Variants in REXO4 observed in about 807,000 individuals in gnomAD.
The protein encoded by REXO4 is RNA exonuclease 4, also known as REX4 homolog, 3'-5' exonuclease.
In REXO4, 29 loss-of-function variants were observed where a neutral mutation model predicts 39.9. That is an observed-to-expected ratio of 0.73 (90% CI 0.54 to 0.99). The LOEUF (loss-of-function observed/expected upper bound fraction) is 0.99, where lower values mean the gene tolerates loss of function less well. Among genes scored for constraint, REXO4 ranks in the 50% least tolerant of loss-of-function variants. REXO4 has a pLI of 0.00. For missense variants in REXO4, 524 were observed against 546.5 expected, an observed-to-expected ratio of 0.96 and a Z score of 0.41; for synonymous variants, 184 against 206.2, an observed-to-expected ratio of 0.89 and a Z score of 0.92.
rs201077059 is a variant in REXO4 at position 133,412,783 on chromosome 9, G to A, written c.711C>T (p.Phe237=). ...VSLSLVKEQA[F]GGLTRALALD... is the part of the protein sequence containing the mutation. ...ACTCCCTGAGACCAGCGTACCCGCC[G>A]AAGGCCTGCTCTTTCACGAGGCTGA... The change falls in exon 3 of 8, where the codon TTC becomes TTT. Residue 237 remains phenylalanine, a synonymous_variant. Transcript: ENST00000371942. 5.1e-5 allele frequency: 82 copies of A among 1,611,980 alleles called. No homozygotes were observed. The highest frequency in any genetic ancestry group is 3.3e-4 in the African/African-American group (25 of 75,054).
chr9:133,406,902 C>G lies in REXO4; in HGVS notation c.*51G>C. 6.2e-7 allele frequency: 1 copy of G among 1,603,384 alleles called. No individual in the cohort carries two copies. Among genetic ancestry groups the G allele is most frequent in the Non-Finnish European group, 8.5e-7 (1 of 1,179,558 alleles). On this transcript the variant is annotated 3_prime_UTR_variant, in exon 8 of 8. Coordinates refer to ENST00000371942, the MANE Select transcript of REXO4 (RefSeq NM_020385.4). ...GGGGAGATGTGATCTGTCCCTGTGACTGGTCACATTGCCTCTGTAGCGGGG... is the reference window on the plus strand; with the variant it reads ...GGGGAGATGTGATCTGTCCCTGTGAGTGGTCACATTGCCTCTGTAGCGGGG...
At chr9:133,407,658 C>CT in intron 7 of REXO4, 149 bp downstream of exon 7, 1 of 587,016 alleles carries the variant, frequency 1.7e-6, no homozygotes, top group Non-Finnish European at 3.0e-6. Flanking sequence ...TAACTCCGCT[C>CT]TACCATTTTT....
chr9:133,409,258 C>T (rs1005599633), intron 5 of REXO4, among the ~76,000 whole-genome samples: 14 of 152,106 alleles, frequency 9.2e-5, no homozygotes, highest in African/African-American at 1.7e-4. Flanking sequence ...TGAGCCAACG[C>T]GGCTGCCCTG....
At chr9:133,409,285 G>A (rs1451484173) in intron 5 of REXO4, among the ~76,000 whole-genome samples, 2 of 152,056 alleles carry the variant, frequency 1.3e-5, no homozygotes, top group African/African-American at 4.8e-5. Flanking sequence ...ACATCTTGTA[G>A]GGAATCCAAG....
intron 2 of REXO4, among the ~76,000 whole-genome samples, chr9:133,414,050 G>C (rs144648215): frequency 1.3e-5 from 2 of 152,348 alleles, no homozygotes; most frequent in Non-Finnish European, 2.9e-5. Context: ...TCCACCCCAC[G>C]TGGGTGGCCA....
intron 5 of REXO4, among the ~76,000 whole-genome samples, chr9:133,410,494 T>C (rs942738744): frequency 1.3e-5 from 2 of 152,180 alleles, no homozygotes; most frequent in Non-Finnish European, 2.9e-5. Flanking sequence ...TGTCTGAATT[T>C]GCACTTTCCA....
rs587773601 is a variant in REXO4, at chr9:133,410,939, C to T, written c.999+46G>A. 5.6e-6 allele frequency: 8 copies of T among 1,429,964 alleles called. No homozygotes were observed. In the East Asian group the frequency reaches 1.8e-4, roughly 32 times the overall value. The allele number at this position is 1,429,964 out of a possible 1,614,324, so 88.6% of individuals were successfully genotyped here. A position where few individuals can be genotyped will look rare whatever the true frequency, so the allele number is the denominator to read the frequency against. ...ACACAGCAAGGGCGTGAGTGTAACACCCACGGAGCAGGGGCAGGCTGAGTC... is the reference window on the plus strand; with the variant it reads ...ACACAGCAAGGGCGTGAGTGTAACATCCACGGAGCAGGGGCAGGCTGAGTC... On this transcript the variant is annotated intron_variant, in intron 5 of 7. Transcript: ENST00000371942.
At position 133,413,057 on chromosome 9, in the gene REXO4, C is replaced by T. The variant is rs28416675; in HGVS notation, c.573-136G>A. ...TCCCACAGGCTGGCCCCAGACACCC[C>T]GACTGCTGGCCCTGCTGCTTCTGCT... is the stretch of plus-strand genomic sequence containing the variant. On this transcript the variant is annotated intron_variant, in intron 2 of 7. Transcript: ENST00000371942. The T allele has an allele frequency of 2.3e-3, 1,987 of 881,278 alleles. 12 individuals carry two copies. Among genetic ancestry groups the T allele is most frequent in the African/African-American group, 0.017 (1,024 of 59,476 alleles). 54.6% of individuals were successfully genotyped at this position (881,278 alleles called of 1,614,324 possible). A position where few individuals can be genotyped will look rare whatever the true frequency, so the allele number is the denominator to read the frequency against.
Position 133,412,346 on chromosome 9 carries a change from T to TC in REXO4, c.862dup (p.Asp288GlyfsTer3). On this transcript the variant is annotated frameshift_variant, in exon 4 of 8. Coordinates refer to ENST00000371942, the MANE Select transcript of REXO4 (RefSeq NM_020385.4). LOFTEE classifies it high-confidence loss of function. ...AATCCCACTGACCGCTGTCCTATAG[T>TC]CCGTCACGGGCTCGGTTGGTTTGAC... The TC allele has an allele frequency of 6.2e-7, 1 of 1,614,100 alleles. No individual in the cohort carries two copies. The highest frequency in any genetic ancestry group is 8.5e-7 in the Non-Finnish European group (1 of 1,180,036).
intron 1 of REXO4, among the ~76,000 whole-genome samples, chr9:133,416,929 C>T (rs781907070): frequency 6.6e-6 from 1 of 152,204 alleles, no homozygotes; most frequent in Non-Finnish European, 1.5e-5. Context: ...TCGCTAGAAC[C>T]CCATCACATG....
chr9:133,415,162 G>A (rs587735000), intron 1 of REXO4, 151 bp from the exon 2 acceptor site: 107 of 671,288 alleles, frequency 1.6e-4, no homozygotes, highest in East Asian at 5.6e-4. Flanking sequence ...ATTTTCAAAC[G>A]GTTTGGAAAA....
intron 1 of REXO4, 117 bp from the exon 2 acceptor site, chr9:133,415,128 T>G: frequency 5.3e-6 from 4 of 761,542 alleles, no homozygotes; most frequent in South Asian, 2.0e-5. Flanking sequence ...ATCTATACAA[T>G]TCCCATCCGC....
chr9:133,416,060 A>C (rs1554781504), intron 1 of REXO4, among the ~76,000 whole-genome samples: 1 of 152,144 alleles, frequency 6.6e-6, no homozygotes, highest in Admixed American at 6.5e-5. Context: ...TAAAGAAAAA[A>C]CGTTTATGTA....
chr9:133,414,715 G>A lies in REXO4; in HGVS notation c.522C>T (p.Ile174=), dbSNP rs149724403. The A allele has an allele frequency of 4.2e-5, 68 of 1,614,000 alleles. No individual in the cohort carries two copies. Among genetic ancestry groups the A allele is most frequent in the Admixed American group, 8.3e-5 (5 of 59,996 alleles). Residue 174 remains isoleucine, a synonymous_variant, in exon 2 of 8, where the codon ATC becomes ATT. Coordinates refer to ENST00000371942, the MANE Select transcript of REXO4 (RefSeq NM_020385.4). ...CCTTAGCTTTCCGCTTCTTATGCTC[G>A]ATGTCCCCTCGTTCTGGAACAATAT... The part of the protein sequence containing the change: ...NGDIVPERGD[I]EHKKRKAKEA...
chr9:133,415,410 G>A (rs970463217), intron 1 of REXO4, among the ~76,000 whole-genome samples: 4 of 147,450 alleles, frequency 2.7e-5, no homozygotes, highest in African/African-American at 7.4e-5. Flanking sequence ...CACAGAAATC[G>A]CTTTTTTTTT....
At chr9:133,411,476 A>G (rs929477762) in intron 4 of REXO4, among the ~76,000 whole-genome samples, 4 of 152,182 alleles carry the variant, frequency 2.6e-5, no homozygotes, top group Non-Finnish European at 4.4e-5. Context: ...CCCCACAAAA[A>G]TGGGTAGAGA....
chr9:133,413,849 G>A (rs1554780826), intron 2 of REXO4, among the ~76,000 whole-genome samples: 1 of 152,188 alleles, frequency 6.6e-6, no homozygotes. Flanking sequence ...CCTCAAGAGG[G>A]AGGAGCAGGC....
chr9:133,409,449 C>G (rs1554779689), intron 5 of REXO4, among the ~76,000 whole-genome samples: 2 of 152,174 alleles, frequency 1.3e-5, no homozygotes, highest in Admixed American at 6.5e-5. Context: ...CAACAGTTAA[C>G]CAGCAACCAA....
Position 133,417,316 on chromosome 9 carries a change from C to G in REXO4, c.225+304G>C, listed in dbSNP as rs187168241. Among the ~76,000 whole-genome samples, 97 of 152,364 alleles carry G rather than the reference C, an allele frequency of 6.4e-4. 2 individuals are homozygous for G. In the South Asian group the frequency reaches 0.01, roughly 16 times the overall value. On this transcript the variant is annotated intron_variant, in intron 1 of 7. Transcript: ENST00000371942. ...ACAGGCGTGAGGCCCCGCGCCCGGC[C>G]TGGTTTCGGGATTTTAAGCTAAATT... is the stretch of plus-strand genomic sequence containing the variant.
Sources: allele counts gnomAD v4.1 joint callset (sites outside exome capture counted in the v4.1 genomes callset), GRCh38; gene constraint gnomAD v4.1.1; transcripts MANE v1.5; gene names NCBI Gene and HGNC (gene_info 2026-07-23, HGNC 2026-07-21).